The following CLDN16 variants were observed in gnomAD, a reference collection of about 807,000 sequenced individuals.
CLDN16 encodes the protein claudin 16.
Under a neutral mutation model 24.6 loss-of-function variants are expected in CLDN16, and 13 were observed. The ratio of observed to expected loss-of-function variants is 0.53; its 90% confidence interval spans 0.34 to 0.84. CLDN16 has a LOEUF of 0.84. CLDN16 is among the 40% of genes least tolerant of loss of function. The pLI is 0.01. For synonymous variants in CLDN16, 116 were observed against 106.7 expected, an observed-to-expected ratio of 1.09 and a Z score of -0.54; for missense variants, 298 against 292.7, an observed-to-expected ratio of 1.02 and a Z score of -0.13.
chr3:190,400,230 T>G (rs979827444), intron 1 of CLDN16, among the ~76,000 whole-genome samples: 1 of 152,058 alleles, frequency 6.6e-6, no homozygotes, highest in Non-Finnish European at 1.5e-5. Context: ...ATTTTTTACC[T>G]CGAGGTTTTT....
chr3:190,352,674 G>A (rs1717693669), intron 1 of CLDN16, among the ~76,000 whole-genome samples: 1 of 151,912 alleles, frequency 6.6e-6, no homozygotes, highest in Non-Finnish European at 1.5e-5. Context: ...ATTAGTATAA[G>A]CAAAAGCTAC....
chr3:190,378,765 G>A (rs1050789820), intron 3 of CLDN16, among the ~76,000 whole-genome samples: 4 of 151,942 alleles, frequency 2.6e-5, no homozygotes, highest in African/African-American at 9.7e-5. Flanking sequence ...ATTGGCTTTT[G>A]TAATTTCCAC....
intron 1 of CLDN16, among the ~76,000 whole-genome samples, chr3:190,335,496 T>C (rs113177638): frequency 0.071 from 10,716 of 151,978 alleles, 561 homozygotes; most frequent in African/African-American, 0.14. Context: ...GGGTGGATCA[T>C]GAGGTCAGGA....
At chr3:190,348,532 A>G (rs1717604682) in intron 1 of CLDN16, among the ~76,000 whole-genome samples, 2 of 152,196 alleles carry the variant, frequency 1.3e-5, no homozygotes, top group Admixed American at 1.3e-4. Flanking sequence ...AGTCTCATGG[A>G]TAAATGTGGT....
chr3:190,305,814 A>T, the CLDN16 span: 75 of 152,352 alleles, frequency 4.9e-4, no homozygotes, highest in African/African-American at 1.7e-3. Flanking sequence ...GTGGTAGAAG[A>T]ATATAAAAAG....
intron 1 of CLDN16, among the ~76,000 whole-genome samples, chr3:190,351,140 CAT>C (rs1216048115): frequency 1.3e-5 from 2 of 152,016 alleles, no homozygotes; most frequent in African/African-American, 4.8e-5. Context: ...CCTCTCTTGC[CAT>C]ATAGATAAGT....
In CLDN16 at chr3:190,339,618, A is replaced by T. The variant is rs370670418; in HGVS notation, n.121+16957A>T. 2.1e-4 allele frequency among the ~76,000 whole-genome samples: 32 copies of T among 152,356 alleles called. No homozygotes were observed. The East Asian group carries it at 4.0e-3, about 19-fold the overall frequency. ...ATAGCATACATTAGGTAAACTTGTA[A>T]GATAGGTCAGCAGTAAAATTGATTT... On this transcript the variant is annotated intron_variant and non_coding_transcript_variant, in intron 1 of 4. Transcript: ENST00000468220.
At chr3:190,299,889 G>A in the CLDN16 span, among the ~76,000 whole-genome samples, 7 of 152,078 alleles carry the variant, frequency 4.6e-5, no homozygotes, top group African/African-American at 1.7e-4. Context: ...TTCTTGACTT[G>A]CATAAGGTGG....
the CLDN16 span, among the ~76,000 whole-genome samples, chr3:190,303,930 C>A: frequency 1.1e-3 from 164 of 152,250 alleles, no homozygotes; most frequent in Middle Eastern, 0.01. Flanking sequence ...GAAAATAAAG[C>A]AACAACATTA....
At chr3:190,377,550 T>G (rs1048200432) in intron 3 of CLDN16, among the ~76,000 whole-genome samples, 7 of 152,014 alleles carry the variant, frequency 4.6e-5, no homozygotes, top group African/African-American at 1.4e-4. Flanking sequence ...ATTCTCTGTT[T>G]AAAGTCTCCT....
chr3:190,354,991 T>C (rs1717739101), intron 1 of CLDN16, among the ~76,000 whole-genome samples: 1 of 152,182 alleles, frequency 6.6e-6, no homozygotes, highest in East Asian at 1.9e-4. Context: ...AAAGTATTAG[T>C]TCAATAAATC....
the CLDN16 span, among the ~76,000 whole-genome samples, chr3:190,301,815 A>G: frequency 2.0e-5 from 3 of 152,186 alleles, no homozygotes; most frequent in Admixed American, 6.5e-5. Context: ...ATAACCTTCT[A>G]TATGAACTCA....
chr3:190,408,426 CT>C lies in CLDN16; in HGVS notation c.496del (p.Cys166ValfsTer38). The C allele has an allele frequency of 6.2e-7, 1 of 1,613,996 alleles. No homozygotes were observed. Among genetic ancestry groups the C allele is most frequent in the Non-Finnish European group, 8.5e-7 (1 of 1,179,998 alleles). Reference protein sequence around the residue: ...LGIQYKFGWSCWLGMAGSLGC... With the variant: ...LGIQYKFGWSXWLGMAGSLGC... ...GTATCCAATATAAATTTGGTTGGTC[CT>C]GTTGGCTCGGAATGGCTGGGTCTCT... On this transcript the variant is annotated frameshift_variant, in exon 4 of 5. Transcript: ENST00000264734. LOFTEE classifies it high-confidence loss of function.
rs1021809948 is a variant in CLDN16, at chr3:190,324,816, G to A, written n.121+2155G>A. ...TAGCTTAAGTGCAGAGGACAGGTGA[G>A]ATAATGGCTCAGCATAAATCTATCA... On this transcript the variant is annotated intron_variant and non_coding_transcript_variant, in intron 1 of 4. Transcript: ENST00000468220. Among the ~76,000 whole-genome samples the A allele has an allele frequency of 2.6e-5, 4 of 152,282 alleles. No homozygotes were observed. The East Asian group carries it at 7.7e-4, about 29-fold the overall frequency.
intron 2 of CLDN16, among the ~76,000 whole-genome samples, chr3:190,403,133 GC>G (rs879275357): frequency 6.6e-6 from 1 of 152,082 alleles, no homozygotes; most frequent in Non-Finnish European, 1.5e-5. Flanking sequence ...TTCGAAACCA[GC>G]CTGGCCAACA....
the CLDN16 span, among the ~76,000 whole-genome samples, chr3:190,302,771 C>A: frequency 1.3e-4 from 17 of 134,688 alleles, no homozygotes; most frequent in African/African-American, 1.7e-4. Context: ...AACCCTGTCT[C>A]AAAAAAAAAT....
At chr3:190,402,474 A>G (rs1718988672) in intron 2 of CLDN16, 35 bp downstream of exon 2, 1 of 1,500,296 alleles carries the variant, frequency 6.7e-7, no homozygotes, top group South Asian at 1.1e-5. Context: ...CTTGCCAGGA[A>G]GGGAAAGGGA....
chr3:190,403,847 G>T (rs1473044910), intron 2 of CLDN16, among the ~76,000 whole-genome samples: 1 of 151,928 alleles, frequency 6.6e-6, no homozygotes, highest in Non-Finnish European at 1.5e-5. Context: ...TTGCTGAATA[G>T]GAATGGACAT....
chr3:190,308,016 G>T, the CLDN16 span: 252,905 of 406,692 alleles, frequency 0.62, 81,018 homozygotes, highest in African/African-American at 0.83. Flanking sequence ...CCTTCCCCCA[G>T]TTGAGTATGA....
Sources: allele counts gnomAD v4.1 joint callset (sites outside exome capture counted in the v4.1 genomes callset), GRCh38; gene constraint gnomAD v4.1.1; transcripts MANE v1.5; gene names NCBI Gene and HGNC (gene_info 2026-07-23, HGNC 2026-07-21).